ANO8: variants seen among roughly 807,000 people sequenced by gnomAD.
ANO8 encodes anoctamin-8.
ANO8 carries 67 observed loss-of-function variants against 120.4 expected under a neutral mutation model. The observed-to-expected ratio is 0.56, with a 90% CI of 0.46 to 0.68. The LOEUF is 0.68. ANO8 is among the 30% of genes least tolerant of loss of function. ANO8 has a pLI of 0.00. For synonymous variants in ANO8, 727 were observed against 759.2 expected, an observed-to-expected ratio of 0.96 and a Z score of 0.70; for missense variants, 1,526 against 1,737.6, an observed-to-expected ratio of 0.88 and a Z score of 2.16.
At position 17,331,129 on chromosome 19, in the gene ANO8, CAGCTGGGTATACCAT is replaced by C. The variant is rs1215645132; in HGVS notation, c.775_789del (p.Met259_Ala263del). On this transcript the variant is annotated inframe_deletion, in exon 7 of 18. Coordinates refer to ENST00000159087, the MANE Select transcript of ANO8 (RefSeq NM_020959.3). ...AATGTGTACAGGACAGACCCGAAGA[CAGCTGGGTATACCAT>C]AGCCGACGTGTAGAAGCCCAGCCAG... The C allele has an allele frequency of 6.2e-7, 1 of 1,614,106 alleles. No homozygotes were observed. The highest frequency in any genetic ancestry group is 8.5e-7 in the Non-Finnish European group (1 of 1,180,048).
At chr19:17,332,806 C>A in intron 5 of ANO8, 124 bp downstream of exon 5, 2 of 1,078,902 alleles carry the variant, frequency 1.9e-6, no homozygotes, top group Non-Finnish European at 2.7e-6. Context: ...TCATTGGTTT[C>A]CTAACTCTTT....
At position 17,323,739 on chromosome 19, in the gene ANO8, G is replaced by T; in HGVS notation, c.3477C>A (p.Gly1159=). ...WQWDGPWGCG[G]EGAAPRQALA... ...GGGCCTGGCGGGGGGCGGCACCCTC[G>T]CCCCCGCAGCCCCAGGGCCCGTCCC... is the stretch of plus-strand genomic sequence containing the variant. Residue 1159 remains glycine (G), a synonymous_variant, in exon 18 of 18, where the codon GGC becomes GGA. Transcript: ENST00000159087. 1 of 1,202,068 alleles carries T rather than the reference G, an allele frequency of 8.3e-7. No individual in the cohort carries two copies. Among genetic ancestry groups the T allele is most frequent in the African/African-American group, 1.6e-5 (1 of 63,106 alleles). The allele number at this position is 1,202,068 out of a possible 1,614,324, so 74.5% of individuals were successfully genotyped here.
In ANO8 at chr19:17,329,752, C is replaced by G; in HGVS notation, c.1404+5G>C. On this transcript the variant is annotated splice_donor_5th_base_variant and intron_variant, in intron 12 of 17. Coordinates refer to ENST00000159087, the MANE Select transcript of ANO8 (RefSeq NM_020959.3). Reference sequence around the variant, plus strand: ...GGGGGACTGCCGCTGGGGCGGGGGTCTCACCTCTTTCAAGCGCTCCATGTC... The same window carrying G: ...GGGGGACTGCCGCTGGGGCGGGGGTGTCACCTCTTTCAAGCGCTCCATGTC... The G allele has an allele frequency of 6.2e-7, 1 of 1,610,206 alleles. No homozygotes were observed. The highest frequency in any genetic ancestry group is 8.5e-7 in the Non-Finnish European group (1 of 1,178,684).
rs377548104 is a variant in ANO8 at position 17,330,255 on chromosome 19, C to A, written c.1147-4G>T. On this transcript the variant is annotated splice_region_variant and splice_polypyrimidine_tract_variant and intron_variant, in intron 9 of 17. Coordinates refer to ENST00000159087, the MANE Select transcript of ANO8 (RefSeq NM_020959.3). ...CCTTCACGCTCAGCACCAGCTCCTG[C>A]GGGAGAAGGGGGTTCAGGGCTCATC... The A allele has an allele frequency of 1.4e-5, 23 of 1,613,776 alleles. No homozygotes were observed. The highest frequency in any genetic ancestry group is 1.1e-4 in the African/African-American group (8 of 74,900).
rs1256497903 is a variant in ANO8 at position 17,328,846 on chromosome 19, G to C, written c.1542C>G (p.Gly514=). Reference sequence around the variant, plus strand: ...GCGCAGGGCGCCGGAGGCTCAGGAGGCCAAGCAGGGCTCGGGCCAGCTCCC... The same window carrying C: ...GCGCAGGGCGCCGGAGGCTCAGGAGCCCAAGCAGGGCTCGGGCCAGCTCCC... ...AVWELARALL[G]LLSLRRPAPR... is the part of the protein sequence containing the mutation. The change falls in exon 13 of 18, where the codon GGC becomes GGG. Residue 514 remains glycine, a synonymous_variant. Coordinates refer to ENST00000159087, the MANE Select transcript of ANO8 (RefSeq NM_020959.3). The C allele has an allele frequency of 2.0e-6, 3 of 1,481,428 alleles. No individual in the cohort carries two copies. In the African/African-American group the frequency reaches 4.4e-5, roughly 22 times the overall value. 91.8% of individuals were successfully genotyped at this position (1,481,428 alleles called of 1,614,324 possible). A position where few individuals can be genotyped will look rare whatever the true frequency, so the allele number is the denominator to read the frequency against.
At chr19:17,325,436 G>T in intron 16 of ANO8, 50 bp from the exon 17 acceptor site, 1 of 1,518,988 alleles carries the variant, frequency 6.6e-7, no homozygotes, top group South Asian at 1.3e-5. Context: ...GGGTGTTAGC[G>T]GGTGCCAGCT....
In ANO8 at chr19:17,330,963, G is replaced by T; in HGVS notation, c.858C>A (p.Val286=). The change falls in exon 8 of 18, where the codon GTC becomes GTA. Residue 286 remains valine (V), a synonymous_variant. Transcript: ENST00000159087. ...DQTSRDVSCV[V]FALFNVIWST... ...ACCAGATCACGTTGAAGAGGGCAAA[G>T]ACCACGCAGGAAACATCCCGGCTTG... 1 of 1,614,168 alleles carries T rather than the reference G, an allele frequency of 6.2e-7. No homozygotes were observed. The highest frequency in any genetic ancestry group is 8.5e-7 in the Non-Finnish European group (1 of 1,180,030).
rs2074253689 is a variant in ANO8, at chr19:17,323,715, G to A, written c.3501C>T (p.Ala1167=). 1 of 1,215,244 alleles carries A rather than the reference G, an allele frequency of 8.2e-7. No individual in the cohort carries two copies. The highest frequency in any genetic ancestry group is 1.0e-6 in the Non-Finnish European group (1 of 976,570). 75.3% of individuals were successfully genotyped at this position (1,215,244 alleles called of 1,614,324 possible). A position where few individuals can be genotyped will look rare whatever the true frequency, so the allele number is the denominator to read the frequency against. ...CGGEGAAPRQ[A]LAAAECPPCA... ...AGGGTGGGCACTCGGCAGCGGCCAG[G>A]GCCTGGCGGGGGGCGGCACCCTCGC... Residue 1167 remains alanine (A), a synonymous_variant, in exon 18 of 18, where the codon GCC becomes GCT. Coordinates refer to ENST00000159087, the MANE Select transcript of ANO8 (RefSeq NM_020959.3).
Position 17,325,258 on chromosome 19 carries a change from C to T in ANO8, c.2790G>A (p.Ala930=), listed in dbSNP as rs747057227. ...GGTCCAGCCCAGAGCCCTCGGCCCT[C>T]GCCTCCTCTCGGCCACCAGAATCAT... The part of the protein sequence containing the change: ...REHDSGGREE[A]RAEGSGLDPA... Residue 930 remains alanine (A), a synonymous_variant, in exon 17 of 18, where the codon GCG becomes GCA. Coordinates refer to ENST00000159087, the MANE Select transcript of ANO8 (RefSeq NM_020959.3). 3.7e-5 allele frequency: 59 copies of T among 1,608,614 alleles called. No individual in the cohort carries two copies. The East Asian group carries it at 7.1e-4, about 19-fold the overall frequency.
chr19:17,331,008 A>G lies in ANO8; in HGVS notation c.832-19T>C, dbSNP rs779367384. The G allele has an allele frequency of 3.7e-6, 6 of 1,614,078 alleles. No homozygotes were observed. Among genetic ancestry groups the G allele is most frequent in the South Asian group, 3.3e-5 (3 of 91,088 alleles). On this transcript the variant is annotated intron_variant, in intron 7 of 17. Coordinates refer to ENST00000159087, the MANE Select transcript of ANO8 (RefSeq NM_020959.3). ...GGCTTGTCTGTGAGTGGCAGAGAAG[A>G]GTTGAGTCATTGTTTGTGCCAGTCC...
chr19:17,328,689 C>G lies in ANO8; in HGVS notation c.1699G>C (p.Ala567Pro). The G allele has an allele frequency of 7.2e-7, 1 of 1,397,826 alleles. No homozygotes were observed. Among genetic ancestry groups the G allele is most frequent in the Non-Finnish European group, 9.4e-7 (1 of 1,066,712 alleles). The allele number at this position is 1,397,826 out of a possible 1,614,324, so 86.6% of individuals were successfully genotyped here. ...EEAALVERRR[A>P]GEGGEEGDGP... Reference sequence around the variant, plus strand: ...TCCCCCTCCTCCCCGCCTTCCCCCGCCCGCCGCCGCTCCACCAGCGCCGCC... The same window carrying G: ...TCCCCCTCCTCCCCGCCTTCCCCCGGCCGCCGCCGCTCCACCAGCGCCGCC... Residue 567 changes from alanine to proline, a missense_variant, in exon 13 of 18, where the codon GCG becomes CCG. Physicochemically the swap from Ala to Pro is conservative, Grantham distance 27. This residue lies in a region of ANO8 where 467 missense variants were observed against 425.8 expected (regional missense o/e 1.10). Transcript: ENST00000159087.
At position 17,328,506 on chromosome 19, in the gene ANO8, G is replaced by A. The variant is rs750575220; in HGVS notation, c.1882C>T (p.Arg628Trp). 1 of 1,554,798 alleles carries A rather than the reference G, an allele frequency of 6.4e-7. No homozygotes were observed. The highest frequency in any genetic ancestry group is 8.7e-7 in the Non-Finnish European group (1 of 1,152,388). ...SFAERGAGRR[R>W]PGPSPEALLE... ...AGGGCCTCCGGGCTTGGGCCGGGCC[G>A]ACGCCGCCCCGCGCCGCGCTCAGCG... The change falls in exon 13 of 18, where the codon CGG (arginine) becomes TGG (tryptophan). Residue 628 changes from arginine to tryptophan, a missense_variant. Coordinates refer to ENST00000159087, the MANE Select transcript of ANO8 (RefSeq NM_020959.3).
At chr19:17,329,118 TGCTTTG>T in intron 12 of ANO8, 135 bp from the exon 13 acceptor site, 1 of 662,172 alleles carries the variant, frequency 1.5e-6, no homozygotes, top group South Asian at 2.3e-5. Flanking sequence ...CTAACTCCGC[TGCTTTG>T]GACGCGCCTC....
Position 17,333,848 on chromosome 19 carries a change from AC to A in ANO8, c.107-49del, listed in dbSNP as rs1301855563. 6 of 1,499,520 alleles carry A rather than the reference AC, an allele frequency of 4.0e-6. No individual in the cohort carries two copies. The African/African-American group carries it at 4.2e-5, about 10-fold the overall frequency. The allele number at this position is 1,499,520 out of a possible 1,614,324, so 92.9% of individuals were successfully genotyped here. On this transcript the variant is annotated intron_variant, in intron 1 of 17. Transcript: ENST00000159087. The surrounding 1 kb of genome is among the most constrained non-coding windows in gnomAD (Gnocchi z 7.2). The stretch of plus-strand genomic sequence containing the variant: ...CGGGTCAGGCCACTCTGGGATCCGG[AC>A]CCGGCCTCCAGTCTTGGCTCCTCCT...
In ANO8 at chr19:17,325,300, G is replaced by A. The variant is rs1430190281; in HGVS notation, c.2748C>T (p.His916=). The change falls in exon 17 of 18, where the codon CAC becomes CAT. Residue 916 remains histidine, a synonymous_variant. Coordinates refer to ENST00000159087, the MANE Select transcript of ANO8 (RefSeq NM_020959.3). ...EEEERQRHAE[H]HARREHDSGG... is the part of the protein sequence containing the mutation. Reference sequence around the variant, plus strand: ...CAGAATCATGCTCCCGCCGGGCATGGTGCTCTGCATGGCGCTGTCGCTCCT... The same window carrying A: ...CAGAATCATGCTCCCGCCGGGCATGATGCTCTGCATGGCGCTGTCGCTCCT... 4.4e-6 allele frequency: 7 copies of A among 1,606,298 alleles called. No individual in the cohort carries two copies. The highest frequency in any genetic ancestry group is 2.7e-5 in the African/African-American group (2 of 74,944).
chr19:17,326,910 C>T (rs1398223709), intron 16 of ANO8, among the ~76,000 whole-genome samples: 1 of 152,178 alleles, frequency 6.6e-6, no homozygotes, highest in African/African-American at 2.4e-5. Context: ...CGACTGGACC[C>T]GTTGTGAACA....
intron 17 of ANO8, 125 bp from the exon 18 acceptor site, chr19:17,324,009 GA>G: frequency 1.0e-6 from 1 of 1,000,620 alleles, no homozygotes; most frequent in Non-Finnish European, 1.2e-6. Flanking sequence ...CTTCTGATCA[GA>G]GACTGAGGTG....
chr19:17,323,801 G>A lies in ANO8; in HGVS notation c.3415C>T (p.Pro1139Ser). 7 of 1,154,044 alleles carry A rather than the reference G, an allele frequency of 6.1e-6. No homozygotes were observed. Among genetic ancestry groups the A allele is most frequent in the Non-Finnish European group, 7.5e-6 (7 of 937,610 alleles). 71.5% of individuals were successfully genotyped at this position (1,154,044 alleles called of 1,614,324 possible). ...SPAPPPPMPL[P>S]RPPTPPAGCW... Reference sequence around the variant, plus strand: ...CCTGCGGGCGGTGTCGGGGGCCGGGGCAGCGGCATTGGCGGCGGCGGCGCG... The same window carrying A: ...CCTGCGGGCGGTGTCGGGGGCCGGGACAGCGGCATTGGCGGCGGCGGCGCG... The change falls in exon 18 of 18, where the codon CCC (proline) becomes TCC (serine). Residue 1139 changes from proline to serine, a missense_variant. Around this residue, in one of 8 missense-constraint regions of ANO8, gnomAD observed 489 missense variants for 548.6 expected, o/e 0.89. Coordinates refer to ENST00000159087, the MANE Select transcript of ANO8 (RefSeq NM_020959.3).
At position 17,328,918 on chromosome 19, in the gene ANO8, G is replaced by T. The variant is rs773864249; in HGVS notation, c.1470C>A (p.His490Gln). ...LQNVREVLQP[H>Q]LYRRLGRGEL... is the part of the protein sequence containing the mutation. ...CGCCGCGGCCCAGGCGCCGGTACAG[G>T]TGCGGCTGCAGGACCTCGCGCACGT... Residue 490 changes from histidine (H) to glutamine (Q), a missense_variant, in exon 13 of 18, where the codon CAC becomes CAA. By Grantham distance (24) the His-to-Gln change is conservative (BLOSUM62 0). Transcript: ENST00000159087. 54 of 1,512,928 alleles carry T rather than the reference G, an allele frequency of 3.6e-5. No individual in the cohort carries two copies. Among genetic ancestry groups the T allele is most frequent in the Non-Finnish European group, 4.6e-5 (52 of 1,133,552 alleles). 93.7% of individuals were successfully genotyped at this position (1,512,928 alleles called of 1,614,324 possible). A position where few individuals can be genotyped will look rare whatever the true frequency, so the allele number is the denominator to read the frequency against.
Sources: allele counts gnomAD v4.1 joint callset (sites outside exome capture counted in the v4.1 genomes callset), GRCh38; gene constraint gnomAD v4.1.1; regional missense constraint gnomAD v4.1.1; non-coding constraint Gnocchi (gnomAD v3.1); transcripts MANE v1.5; gene names NCBI Gene and HGNC (gene_info 2026-07-23, HGNC 2026-07-21).